The following MYLK3 variants were observed in gnomAD, a reference collection of about 807,000 sequenced individuals.
MYLK3 encodes MLC kinase.
In MYLK3, 55 loss-of-function variants were observed where a neutral mutation model predicts 76.3. That is an observed-to-expected ratio of 0.72 (90% CI 0.58 to 0.90). The LOEUF (loss-of-function observed/expected upper bound fraction) is 0.90. Among genes scored for constraint, MYLK3 ranks in the 40% least tolerant of loss-of-function variants. The probability of loss-of-function intolerance (pLI) is 0.00; values close to 1 mark genes in which losing one functional copy is unlikely to be tolerated. For synonymous variants in MYLK3, 416 were observed against 425.4 expected (o/e 0.98, Z 0.27); for missense variants, 973 against 1,053.6 (o/e 0.92, Z 1.06).
chr16:46,707,678 AC>A lies in MYLK3; in HGVS notation c.*25del, dbSNP rs1373631278. 6.4e-7 allele frequency: 1 copy of A among 1,558,434 alleles called. No homozygotes were observed. Among genetic ancestry groups the A allele is most frequent in the East Asian group, 2.2e-5 (1 of 44,566 alleles). ...CACCACTGGCCTCAGTAATTTCTGG[AC>A]CCATTGGAGCAGCAGAGTTGAAGAT... On this transcript the variant is annotated 3_prime_UTR_variant, in exon 13 of 13. Coordinates refer to ENST00000394809, the MANE Select transcript of MYLK3 (RefSeq NM_182493.3).
rs570675889 is a variant in MYLK3, at chr16:46,733,754, T to C, written c.1002-1086A>G. Among the ~76,000 whole-genome samples, 6 of 152,014 alleles carry C rather than the reference T, an allele frequency of 3.9e-5. No homozygotes were observed. The South Asian group carries it at 6.3e-4, about 16-fold the overall frequency. ...TCCCACAGCACGGGGTCTATGTGTG[T>C]TAGGGGGTGAGGGTGACAGTGTCTG... On this transcript the variant is annotated intron_variant, in intron 3 of 12. Coordinates refer to ENST00000394809, the MANE Select transcript of MYLK3 (RefSeq NM_182493.3).
At chr16:46,736,834 C>T (rs866413965) in intron 3 of MYLK3, among the ~76,000 whole-genome samples, 1 of 152,154 alleles carries the variant, frequency 6.6e-6, no homozygotes, top group Admixed American at 6.5e-5. Flanking sequence ...GGGGCCACAG[C>T]GCCCTTCAGC....
At chr16:46,723,932 A>T (rs370954270) in intron 8 of MYLK3, among the ~76,000 whole-genome samples, 16 of 152,302 alleles carry the variant, frequency 1.1e-4, no homozygotes, top group African/African-American at 3.8e-4. Context: ...TACAGGCGTG[A>T]GCCACCGTGC....
Position 46,721,177 on chromosome 16 carries a change from C to A in MYLK3, c.1931G>T (p.Cys644Phe), listed in dbSNP as rs1966795703. 6.2e-7 allele frequency: 1 copy of A among 1,614,190 alleles called. No individual in the cohort carries two copies. The highest frequency in any genetic ancestry group is 8.5e-7 in the Non-Finnish European group (1 of 1,180,024). The change falls in exon 9 of 13, where the codon TGC (cysteine) becomes TTC (phenylalanine). Residue 644 changes from cysteine to phenylalanine, a missense_variant. Around this residue, in one of 2 missense-constraint regions of MYLK3, gnomAD observed 332 missense variants for 416.6 expected, o/e 0.80. Transcript: ENST00000394809. ...AATTTGATGTCCTGTCTGATTGACG[C>A]ACAATATGTTCTCCGGCTGGGAAAG... ...HLDLKPENIL[C>F]VNQTGHQIKI...
At chr16:46,723,402 A>C (rs767267769) in intron 8 of MYLK3, among the ~76,000 whole-genome samples, 1 of 152,186 alleles carries the variant, frequency 6.6e-6, no homozygotes, top group African/African-American at 2.4e-5. Context: ...AAATTAATGA[A>C]TATCTGGGTT....
intron 3 of MYLK3, among the ~76,000 whole-genome samples, chr16:46,736,383 C>T (rs1478206269): frequency 6.6e-6 from 1 of 152,232 alleles, no homozygotes; most frequent in Non-Finnish European, 1.5e-5. Flanking sequence ...CCTCAAAATA[C>T]ACCCATGTCT....
intron 9 of MYLK3, among the ~76,000 whole-genome samples, chr16:46,717,258 A>G (rs1204083214): frequency 6.6e-6 from 1 of 152,148 alleles, no homozygotes; most frequent in Non-Finnish European, 1.5e-5. Context: ...TCCACTGCTC[A>G]CTGGTAGGGA....
intron 5 of MYLK3, among the ~76,000 whole-genome samples, chr16:46,730,195 C>G (rs1422493679): frequency 6.6e-6 from 1 of 151,716 alleles, no homozygotes; most frequent in Non-Finnish European, 1.5e-5. Flanking sequence ...ATCCCCTCAC[C>G]CCACACCACC....
chr16:46,702,797 G>A lies in MYLK3; in HGVS notation c.*4907C>T, dbSNP rs1966588703. The stretch of plus-strand genomic sequence containing the variant: ...TAGCTGGGCGTGGTGGCGCATGCCT[G>A]TAGTCCCAGCTACTTGGGAGGCTGA... On this transcript the variant is annotated 3_prime_UTR_variant, in exon 13 of 13. Coordinates refer to ENST00000394809, the MANE Select transcript of MYLK3 (RefSeq NM_182493.3). 6.6e-6 allele frequency among the ~76,000 whole-genome samples: 1 copy of A among 152,080 alleles called. No homozygotes were observed. Among genetic ancestry groups the A allele is most frequent in the Non-Finnish European group, 1.5e-5 (1 of 68,016 alleles).
intron 1 of MYLK3, among the ~76,000 whole-genome samples, chr16:46,758,480 G>T (rs1274522672): frequency 6.6e-6 from 1 of 152,124 alleles, no homozygotes; most frequent in Non-Finnish European, 1.5e-5. Context: ...CAGCCCTGTG[G>T]GGTGGGTCAT....
intron 8 of MYLK3, chr16:46,726,701 GAAAGAAAGAAAGAA>G (rs1966842138): frequency 7.5e-6 from 1 of 134,118 alleles, no homozygotes; most frequent in African/African-American, 2.8e-5. Flanking sequence ...AAGAAAGAAA[GAAAGAAAGAAAGAA>G]AGAAAGAAAG....
intron 1 of MYLK3, among the ~76,000 whole-genome samples, chr16:46,756,898 A>G (rs1480701698): frequency 6.6e-6 from 1 of 152,152 alleles, no homozygotes; most frequent in Non-Finnish European, 1.5e-5. Flanking sequence ...GACCAGCCAC[A>G]CCTTCTCCCC....
At chr16:46,726,605 G>A (rs1382044648) in intron 8 of MYLK3, 2 of 148,604 alleles carry the variant, frequency 1.3e-5, no homozygotes, top group African/African-American at 2.5e-5. Context: ...GAGAGAGAGA[G>A]AGAGAAAAGA....
rs1966848414 is a variant in MYLK3, at chr16:46,729,575, G to A, written c.1662+19C>T. On this transcript the variant is annotated intron_variant, in intron 6 of 12. Coordinates refer to ENST00000394809, the MANE Select transcript of MYLK3 (RefSeq NM_182493.3). Reference sequence around the variant, plus strand: ...TCCTGAGGCTGGCCACAGGGACCTGGCCCAGCCAGATGCCTCACCCGGTCC... The same window carrying A: ...TCCTGAGGCTGGCCACAGGGACCTGACCCAGCCAGATGCCTCACCCGGTCC... The A allele has an allele frequency of 6.2e-6, 10 of 1,610,764 alleles. No individual in the cohort carries two copies. Among genetic ancestry groups the A allele is most frequent in the South Asian group, 1.1e-5 (1 of 91,030 alleles).
intron 9 of MYLK3, among the ~76,000 whole-genome samples, chr16:46,720,183 A>T (rs1195721060): frequency 1.3e-5 from 2 of 152,186 alleles, no homozygotes; most frequent in Non-Finnish European, 2.9e-5. Context: ...ATCTCAAAAT[A>T]ATAATAAATA....
rs1269903961 is a variant in MYLK3, at chr16:46,702,846, G to A, written c.*4858C>T. The stretch of plus-strand genomic sequence containing the variant: ...GAGGCAGGAGAAATCACTTGAACTC[G>A]GGAGGTGGATGTTGCAGTAAGCCAA... On this transcript the variant is annotated 3_prime_UTR_variant, in exon 13 of 13. Transcript: ENST00000394809. Among the ~76,000 whole-genome samples the A allele has an allele frequency of 2.0e-5, 3 of 151,714 alleles. No homozygotes were observed. Among genetic ancestry groups the A allele is most frequent in the Non-Finnish European group, 4.4e-5 (3 of 67,968 alleles).
chr16:46,753,206 G>C (rs1433939437), upstream of MYLK3, among the ~76,000 whole-genome samples: 1 of 152,204 alleles, frequency 6.6e-6, no homozygotes, highest in Non-Finnish European at 1.5e-5. Context: ...AGAGGCTTCG[G>C]ACCCCGATAC....
chr16:46,719,303 G>A (rs1315265518), intron 9 of MYLK3, among the ~76,000 whole-genome samples: 1 of 151,592 alleles, frequency 6.6e-6, no homozygotes, highest in Non-Finnish European at 1.5e-5. Flanking sequence ...CTCCAGCCTG[G>A]GTGACAGCAT....
chr16:46,760,991 G>A (rs1474337304), intron 1 of MYLK3, among the ~76,000 whole-genome samples: 2 of 152,188 alleles, frequency 1.3e-5, no homozygotes, highest in African/African-American at 4.8e-5. Context: ...ACAGTGGCCA[G>A]GGCAGGCTTC....
Sources: allele counts gnomAD v4.1 joint callset (sites outside exome capture counted in the v4.1 genomes callset), GRCh38; gene constraint gnomAD v4.1.1; regional missense constraint gnomAD v4.1.1; transcripts MANE v1.5; gene names NCBI Gene and HGNC (gene_info 2026-07-23, HGNC 2026-07-21).